DOCK1: variants seen among roughly 807,000 people sequenced by gnomAD.
The protein encoded by DOCK1 is dedicator of cytokinesis 1.
In DOCK1, 138 loss-of-function variants were observed where a neutral mutation model predicts 262.7. The observed-to-expected ratio is 0.53, with a 90% CI of 0.46 to 0.61. DOCK1 has a LOEUF of 0.61. DOCK1 is among the 20% of genes least tolerant of loss of function. The pLI is 0.00. For missense variants in DOCK1, 1,908 were observed against 2,370.7 expected, an observed-to-expected ratio of 0.80 and a Z score of 4.05; for synonymous variants, 866 against 867.4, an observed-to-expected ratio of 1.00 and a Z score of 0.03.
At chr10:127,032,585 G>T (rs561241373) in intron 18 of DOCK1, among the ~76,000 whole-genome samples, 1 of 151,944 alleles carries the variant, frequency 6.6e-6, no homozygotes, top group Non-Finnish European at 1.5e-5. Flanking sequence ...TCTCAGTCTC[G>T]CTCTGTTGCC....
chr10:127,409,337 C>T lies in DOCK1; in HGVS notation c.4289C>T (p.Pro1430Leu). The T allele has an allele frequency of 6.2e-7, 1 of 1,613,842 alleles. No homozygotes were observed. Among genetic ancestry groups the T allele is most frequent in the South Asian group, 1.1e-5 (1 of 91,068 alleles). Residue 1430 changes from proline (P) to leucine (L), a missense_variant, in exon 42 of 52, where the codon CCC becomes CTC. Coordinates refer to ENST00000623213, the MANE Select transcript of DOCK1 (RefSeq NM_001290223.2). ...GATATTCAGTGCTTCACAGTGAAGCCCAAACTCGATCTGCCTCCTAAGTTT... is the reference window on the plus strand; with the variant it reads ...GATATTCAGTGCTTCACAGTGAAGCTCAAACTCGATCTGCCTCCTAAGTTT... The part of the protein sequence containing the change: ...GQYIQCFTVK[P>L]KLDLPPKFHR...
chr10:127,194,914 T>G (rs1164978435), intron 27 of DOCK1, among the ~76,000 whole-genome samples: 4 of 152,224 alleles, frequency 2.6e-5, no homozygotes, highest in Non-Finnish European at 4.4e-5. Flanking sequence ...GCTTCACCGC[T>G]GCTTCTGGCG....
chr10:127,299,208 C>A (rs907819988), intron 29 of DOCK1, among the ~76,000 whole-genome samples: 1 of 152,184 alleles, frequency 6.6e-6, no homozygotes, highest in Non-Finnish European at 1.5e-5. Flanking sequence ...AAGTGATTCT[C>A]GTGCCTCAGC....
chr10:126,924,959 A>G (rs145694157), intron 1 of DOCK1, among the ~76,000 whole-genome samples: 13 of 152,396 alleles, frequency 8.5e-5, no homozygotes, highest in Non-Finnish European at 1.8e-4. Context: ...CTTACCTGCC[A>G]AAGTCTACTG....
In DOCK1 at chr10:126,905,501, G is replaced by C. The variant is rs1213330324; in HGVS notation, c.-17G>C. ...CGCGGAGTTTCCTGCCCGACCCGCG[G>C]CGGCTCCGGCGGCGCCATGACGCGC... On this transcript the variant is annotated 5_prime_UTR_variant, in exon 1 of 52. Transcript: ENST00000623213. 1 of 534,052 alleles carries C rather than the reference G, an allele frequency of 1.9e-6. No individual in the cohort carries two copies. Among genetic ancestry groups the C allele is most frequent in the Non-Finnish European group, 3.4e-6 (1 of 290,814 alleles). 33.1% of individuals were successfully genotyped at this position (534,052 alleles called of 1,614,324 possible).
chr10:127,388,911 A>G (rs2066298622), intron 38 of DOCK1, among the ~76,000 whole-genome samples: 1 of 152,250 alleles, frequency 6.6e-6, no homozygotes, highest in South Asian at 2.1e-4. Context: ...TAGATTAACA[A>G]AAGTTCATCT....
intron 27 of DOCK1, among the ~76,000 whole-genome samples, chr10:127,218,323 T>C (rs2058297214): frequency 6.6e-6 from 1 of 152,244 alleles, no homozygotes; most frequent in Admixed American, 6.5e-5. Flanking sequence ...TGGTTCACAA[T>C]GGAATCATCA....
At chr10:127,374,433 C>T (rs775312914) in intron 35 of DOCK1, among the ~76,000 whole-genome samples, 2 of 152,158 alleles carry the variant, frequency 1.3e-5, no homozygotes, top group East Asian at 3.9e-4. Flanking sequence ...GTTTTAATGT[C>T]GCTCTCCTTG....
chr10:127,172,224 G>T (rs544983884), intron 27 of DOCK1, among the ~76,000 whole-genome samples: 1 of 152,280 alleles, frequency 6.6e-6, no homozygotes, highest in East Asian at 1.9e-4. Flanking sequence ...TGCCCTTCAA[G>T]GGATTGGTTG....
At chr10:127,034,747 A>G (rs1258490550) in intron 18 of DOCK1, among the ~76,000 whole-genome samples, 1 of 152,188 alleles carries the variant, frequency 6.6e-6, no homozygotes, top group Non-Finnish European at 1.5e-5. Context: ...TTCCGAAAGC[A>G]TGCTCGGAAG....
At chr10:127,145,896 A>G (rs1235096719) in intron 27 of DOCK1, 11 of 461,178 alleles carry the variant, frequency 2.4e-5, no homozygotes, top group Non-Finnish European at 3.0e-5. Flanking sequence ...TGACCGGTCT[A>G]AACGTCAGCC....
intron 29 of DOCK1, among the ~76,000 whole-genome samples, chr10:127,296,492 A>C (rs1277906491): frequency 6.6e-6 from 1 of 152,238 alleles, no homozygotes; most frequent in Non-Finnish European, 1.5e-5. Context: ...TGGCTGCCAT[A>C]GCAAGCCAAC....
At chr10:127,290,445 T>C (rs1022186830) in intron 29 of DOCK1, among the ~76,000 whole-genome samples, 5 of 152,218 alleles carry the variant, frequency 3.3e-5, no homozygotes, top group African/African-American at 1.2e-4. Context: ...ATTAAAGATG[T>C]CCACAGTTAT....
intron 45 of DOCK1, among the ~76,000 whole-genome samples, chr10:127,418,955 T>C (rs530345635): frequency 3.9e-4 from 60 of 152,228 alleles, no homozygotes; most frequent in African/African-American, 1.4e-3. Context: ...CCTAGCTCTG[T>C]AGGAATGGGC....
intron 43 of DOCK1, among the ~76,000 whole-genome samples, chr10:127,414,063 C>G (rs1247826711): frequency 6.6e-6 from 1 of 152,130 alleles, no homozygotes; most frequent in Non-Finnish European, 1.5e-5. Context: ...AGGCACATGC[C>G]ACCACATCTG....
intron 1 of DOCK1, among the ~76,000 whole-genome samples, chr10:126,932,596 C>T (rs2034264965): frequency 1.3e-5 from 2 of 152,120 alleles, no homozygotes; most frequent in African/African-American, 4.8e-5. Flanking sequence ...GGGACCTGGT[C>T]TGGTGGCACC....
intron 25 of DOCK1, among the ~76,000 whole-genome samples, chr10:127,117,367 T>G (rs1280855247): frequency 6.6e-6 from 1 of 152,192 alleles, no homozygotes; most frequent in Non-Finnish European, 1.5e-5. Context: ...TTCTTACAAA[T>G]CTATCAGCCC....
At chr10:127,091,560 C>A (rs2136101156) in intron 23 of DOCK1, among the ~76,000 whole-genome samples, 1 of 152,310 alleles carries the variant, frequency 6.6e-6, no homozygotes, top group Admixed American at 6.5e-5. Context: ...GGAATCAAAG[C>A]TCATGCTGTG....
rs142600050 is a variant in DOCK1 at position 127,432,715 on chromosome 10, C to T, written c.4915-568C>T. ...GGCACAATGCATCACTAGTTCACTA[C>T]CTAGCAAGTGGGAGAAGCTTTAGCA... is the stretch of plus-strand genomic sequence containing the variant. On this transcript the variant is annotated intron_variant, in intron 47 of 51. Transcript: ENST00000623213. 4.0e-3 allele frequency among the ~76,000 whole-genome samples: 609 copies of T among 152,040 alleles called. 3 individuals carry two copies. Among genetic ancestry groups the T allele is most frequent in the Non-Finnish European group, 6.1e-3 (413 of 67,914 alleles).
Sources: gnomAD v4.1 joint callset for allele counts (sites outside exome capture counted in the v4.1 genomes callset) on GRCh38, gnomAD v4.1.1 for gene constraint, MANE v1.5 for transcripts, NCBI Gene and HGNC (gene_info 2026-07-23, HGNC 2026-07-21) for gene names.